SYN3: variants seen among roughly 807,000 people sequenced by gnomAD.
SYN3 encodes synapsin III, also known as synapsin-3.
In SYN3, 35 loss-of-function variants were observed where a neutral mutation model predicts 65.8. The observed-to-expected ratio is 0.53, with a 90% confidence interval of 0.41 to 0.70. The LOEUF is 0.70. Among genes scored for constraint, SYN3 ranks in the 30% least tolerant of loss-of-function variants. The probability of loss-of-function intolerance (pLI) is 0.00; values close to 1 mark genes in which losing one functional copy is unlikely to be tolerated. For synonymous variants in SYN3, 270 were observed against 292.9 expected (o/e 0.92, Z 0.80); for missense variants, 680 against 749.0 (o/e 0.91, Z 1.08).
At chr22:32,902,134 C>T (rs1000306797) in intron 4 of SYN3, among the ~76,000 whole-genome samples, 2 of 152,224 alleles carry the variant, frequency 1.3e-5, no homozygotes, top group African/African-American at 4.8e-5. Flanking sequence ...CAGGCAGCCC[C>T]CTAGGTGGCG....
chr22:32,968,566 C>T (rs1003740865), intron 3 of SYN3, among the ~76,000 whole-genome samples: 16 of 152,308 alleles, frequency 1.1e-4, no homozygotes, highest in African/African-American at 3.8e-4. Flanking sequence ...TCTTTGTCAG[C>T]TTCGTCTCCC....
At chr22:32,956,077 T>C (rs955443807) in intron 3 of SYN3, among the ~76,000 whole-genome samples, 1 of 132,484 alleles carries the variant, frequency 7.5e-6, no homozygotes, top group African/African-American at 2.9e-5. Context: ...CTCCTATTAG[T>C]TCTGTCCCTG....
At chr22:32,926,953 T>G (rs2050489627) in intron 4 of SYN3, among the ~76,000 whole-genome samples, 2 of 152,152 alleles carry the variant, frequency 1.3e-5, no homozygotes, top group African/African-American at 4.8e-5. Flanking sequence ...CTACAATGTC[T>G]GGGCATCCTG....
chr22:32,600,756 C>T (rs1002614828), intron 6 of SYN3, among the ~76,000 whole-genome samples: 2 of 152,002 alleles, frequency 1.3e-5, no homozygotes, highest in African/African-American at 2.4e-5. Flanking sequence ...GGCACAATCT[C>T]GGCTCACTGC....
chr22:32,589,435 T>C (rs2059098331), intron 7 of SYN3, among the ~76,000 whole-genome samples: 1 of 152,156 alleles, frequency 6.6e-6, no homozygotes, highest in Non-Finnish European at 1.5e-5. Context: ...CCCAAAATGC[T>C]CATGTCACAT....
At chr22:32,608,791 G>A (rs78407934) in intron 6 of SYN3, among the ~76,000 whole-genome samples, 1 of 152,068 alleles carries the variant, frequency 6.6e-6, no homozygotes, top group Non-Finnish European at 1.5e-5. Flanking sequence ...CAAAATCGAC[G>A]TTGTTGTGAA....
intron 4 of SYN3, among the ~76,000 whole-genome samples, chr22:32,915,731 G>A (rs1317716272): frequency 2.0e-5 from 3 of 152,166 alleles, no homozygotes; most frequent in Non-Finnish European, 4.4e-5. Flanking sequence ...GATCATATGA[G>A]GTTTTGCAAA....
intron 6 of SYN3, among the ~76,000 whole-genome samples, chr22:32,777,847 T>C (rs942356881): frequency 6.6e-6 from 1 of 152,220 alleles, no homozygotes; most frequent in Admixed American, 6.5e-5. Context: ...TAAGCAATAA[T>C]ATCCATGAAT....
intron 6 of SYN3, among the ~76,000 whole-genome samples, chr22:32,792,912 T>C (rs1019440834): frequency 6.6e-6 from 1 of 152,204 alleles, no homozygotes; most frequent in Non-Finnish European, 1.5e-5. Context: ...CCCCTGCATC[T>C]GAATCACAGC....
At chr22:32,571,790 G>C (rs2058762373) in intron 7 of SYN3, among the ~76,000 whole-genome samples, 1 of 152,050 alleles carries the variant, frequency 6.6e-6, no homozygotes, top group South Asian at 2.1e-4. Context: ...GTGTCTTCTA[G>C]AATCAAACCC....
intron 6 of SYN3, among the ~76,000 whole-genome samples, chr22:32,846,165 T>C (rs577935917): frequency 6.6e-6 from 1 of 152,252 alleles, no homozygotes; most frequent in Non-Finnish European, 1.5e-5. Flanking sequence ...GACTGTGATC[T>C]TGTTTGGCTG....
In SYN3 at chr22:32,801,779, T is replaced by G. The variant is rs2046589003; in HGVS notation, c.711+63136A>C. ...CTCTTGCTCCTCCAGCTCCTGCTCC[T>G]TCGCCGGGAGGCCGCCCGCCGAGTC... On this transcript the variant is annotated intron_variant, in intron 6 of 13. Transcript: ENST00000358763. This position sits in a 1 kb window ranked among gnomAD's most constrained non-coding sequence, Gnocchi z 4.7. The G allele has an allele frequency of 9.2e-6, 3 of 324,434 alleles. No homozygotes were observed. The highest frequency in any genetic ancestry group is 1.5e-5 in the Non-Finnish European group (3 of 199,372). The allele number at this position is 324,434 out of a possible 1,614,324, so 20.1% of individuals were successfully genotyped here.
At chr22:32,671,707 GCA>G (rs371462915) in intron 6 of SYN3, among the ~76,000 whole-genome samples, 106 of 140,972 alleles carry the variant, frequency 7.5e-4, no homozygotes, top group African/African-American at 2.8e-3. Flanking sequence ...TCACACAGGT[GCA>G]CACACATGCT....
intron 6 of SYN3, among the ~76,000 whole-genome samples, chr22:32,858,419 C>T (rs2048438630): frequency 6.6e-6 from 1 of 152,116 alleles, no homozygotes; most frequent in African/African-American, 2.4e-5. Context: ...AGTCCCTGGC[C>T]CCACCTGGCA....
intron 6 of SYN3, among the ~76,000 whole-genome samples, chr22:32,666,115 C>G (rs1284675491): frequency 6.6e-6 from 1 of 152,200 alleles, no homozygotes; most frequent in Non-Finnish European, 1.5e-5. Context: ...CCTCTACCTT[C>G]AAAATACATT....
At chr22:32,702,685 A>T (rs898077086) in intron 6 of SYN3, among the ~76,000 whole-genome samples, 3 of 152,194 alleles carry the variant, frequency 2.0e-5, no homozygotes, top group African/African-American at 7.2e-5. Flanking sequence ...ATTAAAATCA[A>T]AGTGCCATTG....
At chr22:32,614,508 C>A (rs994142615) in intron 6 of SYN3, among the ~76,000 whole-genome samples, 7 of 152,186 alleles carry the variant, frequency 4.6e-5, no homozygotes, top group Non-Finnish European at 1.0e-4. Flanking sequence ...ATATTGGGGT[C>A]TCCCCTTGAG....
intron 1 of SYN3, among the ~76,000 whole-genome samples, chr22:33,029,619 C>T (rs1320708112): frequency 2.0e-5 from 3 of 152,206 alleles, no homozygotes; most frequent in East Asian, 1.9e-4. Context: ...GTATTACTCT[C>T]CCTTACAGAT....
At chr22:32,596,487 T>C (rs994947718) in intron 7 of SYN3, among the ~76,000 whole-genome samples, 187 bp downstream of exon 7, 1 of 152,166 alleles carries the variant, frequency 6.6e-6, no homozygotes, top group Non-Finnish European at 1.5e-5. Context: ...TGGAGAGATG[T>C]TCTGTGCACC....
Sources: allele counts gnomAD v4.1 joint callset (sites outside exome capture counted in the v4.1 genomes callset), GRCh38; gene constraint gnomAD v4.1.1; non-coding constraint Gnocchi (gnomAD v3.1); transcripts MANE v1.5; gene names NCBI Gene and HGNC (gene_info 2026-07-23, HGNC 2026-07-21).